The following RNGTT variants were observed in gnomAD, a reference collection of about 807,000 sequenced individuals.
RNGTT encodes the protein mRNA-capping enzyme.
In RNGTT, 33 loss-of-function variants were observed where a neutral mutation model predicts 79.3. The ratio of observed to expected loss-of-function variants is 0.42; its 90% CI spans 0.32 to 0.56. The LOEUF is 0.56. Ranked by LOEUF, RNGTT falls within the 20% of genes least tolerant of loss-of-function variation. The pLI is 0.17. For synonymous variants in RNGTT, 222 were observed against 235.9 expected, an observed-to-expected ratio of 0.94 and a Z score of 0.54; for missense variants, 497 against 739.1, an observed-to-expected ratio of 0.67 and a Z score of 3.80.
At chr6:88,767,536 G>C (rs1356268736) in intron 13 of RNGTT, among the ~76,000 whole-genome samples, 1 of 151,768 alleles carries the variant, frequency 6.6e-6, no homozygotes, top group Non-Finnish European at 1.5e-5. Flanking sequence ...AAAACCCAAT[G>C]AAACAATCCG....
At chr6:88,652,392 G>A (rs1378822948) in intron 14 of RNGTT, among the ~76,000 whole-genome samples, 1 of 152,086 alleles carries the variant, frequency 6.6e-6, no homozygotes, top group Non-Finnish European at 1.5e-5. Flanking sequence ...TGAGGACATG[G>A]AGAAGACAAA....
chr6:88,887,570 C>T (rs1412654158), intron 8 of RNGTT, among the ~76,000 whole-genome samples: 1 of 152,090 alleles, frequency 6.6e-6, no homozygotes. Flanking sequence ...TTGGTGGAGC[C>T]TGGTTCTAGG....
At chr6:88,614,442 CT>C in intron 14 of RNGTT, 47 bp from the exon 15 acceptor site, 2 of 1,587,120 alleles carry the variant, frequency 1.3e-6, no homozygotes, top group Non-Finnish European at 1.7e-6. Context: ...ACTTGAAAGG[CT>C]TTTTGCTTCT....
chr6:88,779,736 T>C (rs2127848365), intron 12 of RNGTT, among the ~76,000 whole-genome samples: 1 of 152,320 alleles, frequency 6.6e-6, no homozygotes, highest in Middle Eastern at 3.4e-3. Context: ...CTCACGTCTG[T>C]AATCCCAGCA....
rs138833228 is a variant in RNGTT at position 88,958,365 on chromosome 6, T to C, written c.64+4981A>G. Among the ~76,000 whole-genome samples the C allele has an allele frequency of 3.7e-3, 570 of 152,084 alleles. 13 individuals are homozygous for C. The highest frequency in any genetic ancestry group is 0.034 in the Admixed American group (521 of 15,274). On this transcript the variant is annotated intron_variant, in intron 1 of 15. Transcript: ENST00000369485. ...CAAATGCAACAAAAACAAAAATAAA[T>C]AGATGGAACCTAATTAAACTAAAAA...
At chr6:88,820,517 T>A (rs1477534708) in intron 11 of RNGTT, among the ~76,000 whole-genome samples, 1 of 152,340 alleles carries the variant, frequency 6.6e-6, no homozygotes, top group East Asian at 1.9e-4. Context: ...TATGATTGCC[T>A]ATGCAGAAAG....
intron 6 of RNGTT, among the ~76,000 whole-genome samples, chr6:88,896,110 C>G (rs1783237777): frequency 6.6e-6 from 1 of 152,180 alleles, no homozygotes; most frequent in Non-Finnish European, 1.5e-5. Flanking sequence ...TATACCTCCT[C>G]ACTGCTTTCC....
At chr6:88,877,397 G>A (rs1782551247) in intron 8 of RNGTT, among the ~76,000 whole-genome samples, 2 of 152,196 alleles carry the variant, frequency 1.3e-5, no homozygotes, top group Admixed American at 1.3e-4. Flanking sequence ...ACTACAGATA[G>A]CGGCTCCCAA....
chr6:88,771,315 G>GTGTGTGTGTGTATATATATA (rs1303688973), intron 12 of RNGTT, among the ~76,000 whole-genome samples: 1 of 62,076 alleles, frequency 1.6e-5, no homozygotes, highest in South Asian at 5.8e-4. Flanking sequence ...GTGTGTGTGT[G>GTGTGTGTGTGTATATATATA]TATATATATA....
chr6:88,614,528 G>T lies in RNGTT; in HGVS notation c.1507-133C>A, dbSNP rs1772150119. 5.1e-6 allele frequency: 4 copies of T among 791,216 alleles called. No homozygotes were observed. In the South Asian group the frequency reaches 7.0e-5, roughly 14 times the overall value. The allele number at this position is 791,216 out of a possible 1,614,324, so 49.0% of individuals were successfully genotyped here. On this transcript the variant is annotated intron_variant, in intron 14 of 15. Transcript: ENST00000369485. ...TCATGCAGAGAGCTCTTTGTCATCTGAAGTATCTAATCAAGCTTAAGGTAT... is the reference window on the plus strand; with the variant it reads ...TCATGCAGAGAGCTCTTTGTCATCTTAAGTATCTAATCAAGCTTAAGGTAT...
At chr6:88,922,032 G>A (rs560646094) in intron 4 of RNGTT, among the ~76,000 whole-genome samples, 7 of 151,292 alleles carry the variant, frequency 4.6e-5, no homozygotes, top group Non-Finnish European at 1.0e-4. Context: ...GGAGTCTGAG[G>A]AACAACCACA....
chr6:88,680,176 C>T (rs1278031230), intron 13 of RNGTT, among the ~76,000 whole-genome samples: 1 of 152,174 alleles, frequency 6.6e-6, no homozygotes, highest in East Asian at 1.9e-4. Flanking sequence ...TCGTAACCAT[C>T]TCTTTTAAAT....
chr6:88,781,672 G>T (rs1329481265), intron 12 of RNGTT, among the ~76,000 whole-genome samples: 1 of 152,028 alleles, frequency 6.6e-6, no homozygotes, highest in Non-Finnish European at 1.5e-5. Context: ...CCAAATAAAA[G>T]TATGCCAGGC....
chr6:88,784,432 T>C (rs1461996508), intron 12 of RNGTT, among the ~76,000 whole-genome samples: 1 of 152,170 alleles, frequency 6.6e-6, no homozygotes, highest in Non-Finnish European at 1.5e-5. Flanking sequence ...TGCTCACCTA[T>C]ACAACCAGGC....
At chr6:88,636,618 G>T in intron 14 of RNGTT, among the ~76,000 whole-genome samples, 1 of 150,672 alleles carries the variant, frequency 6.6e-6, no homozygotes. Context: ...TGGTATTATG[G>T]TTTTGGTTTA....
chr6:88,664,095 T>C (rs1289225716), intron 14 of RNGTT, among the ~76,000 whole-genome samples: 5 of 151,858 alleles, frequency 3.3e-5, no homozygotes, highest in Non-Finnish European at 7.4e-5. Flanking sequence ...CAAGAGTATG[T>C]GAGGATCCAG....
chr6:88,791,691 C>T (rs1165921139), intron 12 of RNGTT, among the ~76,000 whole-genome samples: 2 of 152,034 alleles, frequency 1.3e-5, no homozygotes, highest in South Asian at 2.1e-4. Context: ...AGGCGCCCAC[C>T]ACCACACCCG....
chr6:88,868,485 C>T (rs777325860), intron 8 of RNGTT, among the ~76,000 whole-genome samples: 1 of 152,158 alleles, frequency 6.6e-6, no homozygotes, highest in Non-Finnish European at 1.5e-5. Context: ...TTAATCAGGT[C>T]GGTCCAGCTC....
chr6:88,726,101 G>C (rs958232176), intron 13 of RNGTT, among the ~76,000 whole-genome samples: 1 of 151,946 alleles, frequency 6.6e-6, no homozygotes, highest in Non-Finnish European at 1.5e-5. Context: ...TAAAAGCCAG[G>C]GTAAATTTAA....
Sources: allele counts gnomAD v4.1 joint callset (sites outside exome capture counted in the v4.1 genomes callset), GRCh38; gene constraint gnomAD v4.1.1; transcripts MANE v1.5; gene names NCBI Gene and HGNC (gene_info 2026-07-23, HGNC 2026-07-21).